Variants in MECOM observed in about 807,000 individuals in gnomAD.
MECOM encodes histone-lysine N-methyltransferase MECOM.
MECOM carries 13 observed loss-of-function variants against 116.3 expected under a neutral mutation model. The observed-to-expected ratio is 0.11, with a 90% CI of 0.07 to 0.18. MECOM has a LOEUF of 0.18. MECOM is among the 10% of genes least tolerant of loss of function. The pLI is 1.00. For missense variants in MECOM, 1,299 were observed against 1,509.0 expected (o/e 0.86, Z 2.31); for synonymous variants, 528 against 535.2 (o/e 0.99, Z 0.19).
chr3:169,144,926 A>G, intron 2 of MECOM: 1 of 1,174,902 alleles, frequency 8.5e-7, no homozygotes, highest in Non-Finnish European at 1.2e-6. Flanking sequence ...ACTCTTGAGT[A>G]CTGAGACCAA....
chr3:169,517,021 G>A (rs1462720682), intron 1 of MECOM, among the ~76,000 whole-genome samples: 2 of 152,286 alleles, frequency 1.3e-5, no homozygotes, highest in Middle Eastern at 3.4e-3. Flanking sequence ...GATCAATTCA[G>A]TCAGTTGAAA....
intron 1 of MECOM, among the ~76,000 whole-genome samples, chr3:169,636,282 ACCAAGTTTTCACTATCT>A (rs1182294506): frequency 3.3e-5 from 5 of 152,202 alleles, no homozygotes; most frequent in African/African-American, 1.2e-4. Flanking sequence ...CTTTCCTAAA[ACCAAGTTTTCACTATCT>A]ATTCCCTTCC....
intron 2 of MECOM, among the ~76,000 whole-genome samples, chr3:169,151,095 C>T (rs993044408): frequency 3.3e-4 from 50 of 152,186 alleles, no homozygotes; most frequent in African/African-American, 1.2e-3. Flanking sequence ...TAAACTGATG[C>T]CTCTTTTAAG....
intron 1 of MECOM, among the ~76,000 whole-genome samples, chr3:169,640,624 A>G (rs905741849): frequency 6.6e-6 from 1 of 152,196 alleles, no homozygotes; most frequent in African/African-American, 2.4e-5. Context: ...TTTACTGAGA[A>G]TTTCAAAGTG....
At chr3:169,274,062 C>T (rs1375906482) in intron 2 of MECOM, among the ~76,000 whole-genome samples, 1 of 151,954 alleles carries the variant, frequency 6.6e-6, no homozygotes. Context: ...CAGGCACATG[C>T]CACCACGCCC....
rs1230312403 is a variant in MECOM, at chr3:169,115,814, A to G, written c.2058T>C (p.Val686=). The change falls in exon 8 of 17, where the codon GTT becomes GTC. Residue 686 remains valine, a synonymous_variant. Transcript: ENST00000651503. ...ACATGGAAGGGTAAGGTAAAGCTCC[A>G]ACTTTTTTGTCTTGCAGCCCCACCA... ...TGLVGLQDKK[V]GALPYPSMFP... is the part of the protein sequence containing the mutation. 6.2e-7 allele frequency: 1 copy of G among 1,613,992 alleles called. No homozygotes were observed. The highest frequency in any genetic ancestry group is 1.3e-5 in the African/African-American group (1 of 74,920).
chr3:169,452,293 G>A (rs1488291125), intron 1 of MECOM, among the ~76,000 whole-genome samples: 1 of 151,288 alleles, frequency 6.6e-6, no homozygotes, highest in Non-Finnish European at 1.5e-5. Context: ...CTTATTTGTA[G>A]GACAAAAATG....
intron 1 of MECOM, among the ~76,000 whole-genome samples, chr3:169,535,674 G>T (rs374495722): frequency 6.6e-6 from 1 of 152,068 alleles, no homozygotes; most frequent in Admixed American, 6.6e-5. Context: ...TTTATTTATA[G>T]CCTATCCCAT....
At chr3:169,495,339 T>C (rs1320088553) in intron 1 of MECOM, among the ~76,000 whole-genome samples, 1 of 152,176 alleles carries the variant, frequency 6.6e-6, no homozygotes, top group Non-Finnish European at 1.5e-5. Flanking sequence ...GATGGTTCAA[T>C]TGTACAGAAA....
chr3:169,397,912 C>T (rs1015841700), intron 1 of MECOM, among the ~76,000 whole-genome samples: 17 of 152,190 alleles, frequency 1.1e-4, no homozygotes, highest in Non-Finnish European at 2.4e-4. Flanking sequence ...AAGGCAGTTG[C>T]TAACCTAACA....
intron 2 of MECOM, among the ~76,000 whole-genome samples, chr3:169,221,249 A>G: frequency 6.6e-6 from 1 of 152,214 alleles, no homozygotes; most frequent in East Asian, 1.9e-4. Context: ...TAATAGTATC[A>G]TCATCATCTT....
At chr3:169,598,411 T>C (rs547620737) in intron 1 of MECOM, among the ~76,000 whole-genome samples, 32 of 152,258 alleles carry the variant, frequency 2.1e-4, no homozygotes, top group African/African-American at 6.7e-4. Flanking sequence ...CAATAAAACA[T>C]ACAAAAAAGA....
intron 1 of MECOM, among the ~76,000 whole-genome samples, chr3:169,394,583 C>A (rs1734736961): frequency 6.6e-6 from 1 of 152,082 alleles, no homozygotes; most frequent in Non-Finnish European, 1.5e-5. Context: ...ATCATATTTG[C>A]AGAGGTACGG....
At chr3:169,477,105 G>GTATATATATATA (rs1166256593) in intron 1 of MECOM, 13 of 59,540 alleles carry the variant, frequency 2.2e-4, no homozygotes, top group East Asian at 7.2e-4. Context: ...GTGTGTGTGT[G>GTATATATATATA]TATATATATA....
intron 2 of MECOM, among the ~76,000 whole-genome samples, chr3:169,263,127 A>AT (rs1757800705): frequency 1.5e-4 from 3 of 19,610 alleles, no homozygotes; most frequent in African/African-American, 7.1e-4. Context: ...ATATATATAT[A>AT]TGTTTTTTTT....
intron 3 of MECOM, among the ~76,000 whole-genome samples, chr3:169,141,277 T>A (rs1447153092): frequency 6.6e-6 from 1 of 152,062 alleles, no homozygotes; most frequent in Non-Finnish European, 1.5e-5. Flanking sequence ...TTTATCCGTA[T>A]CTAAAAATCA....
intron 1 of MECOM, among the ~76,000 whole-genome samples, chr3:169,600,612 T>A (rs766259400): frequency 5.3e-5 from 8 of 152,206 alleles, no homozygotes; most frequent in Non-Finnish European, 8.8e-5. Flanking sequence ...TCAGGCCCAC[T>A]CCAGGAAACT....
chr3:169,487,121 T>A (rs1448967636), intron 1 of MECOM, among the ~76,000 whole-genome samples: 5 of 152,022 alleles, frequency 3.3e-5, no homozygotes, highest in Admixed American at 3.3e-4. Context: ...ATAAAGATAT[T>A]TTCAGACAGA....
intron 2 of MECOM, among the ~76,000 whole-genome samples, chr3:169,231,804 A>C (rs1269096615): frequency 6.6e-6 from 1 of 152,146 alleles, no homozygotes; most frequent in Non-Finnish European, 1.5e-5. Context: ...ATTATTTCTT[A>C]AAGCAAGTTC....
Sources: gnomAD v4.1 joint callset for allele counts (sites outside exome capture counted in the v4.1 genomes callset) on GRCh38, gnomAD v4.1.1 for gene constraint, MANE v1.5 for transcripts, NCBI Gene and HGNC (gene_info 2026-07-23, HGNC 2026-07-21) for gene names.